Variants in CSNK1G1 observed in about 807,000 individuals in gnomAD.
CSNK1G1 encodes the protein casein kinase I isoform gamma-1.
A neutral mutation model predicts 59.6 loss-of-function variants in CSNK1G1; 22 were observed. The ratio of observed to expected loss-of-function variants is 0.37; its 90% CI spans 0.26 to 0.53. CSNK1G1 has a LOEUF of 0.53. Among genes scored for constraint, CSNK1G1 ranks in the 20% least tolerant of loss-of-function variants. CSNK1G1 has a pLI of 0.89. For synonymous variants in CSNK1G1, 179 were observed against 177.1 expected (o/e 1.01, Z -0.08); for missense variants, 384 against 519.5 (o/e 0.74, Z 2.54).
intron 1 of CSNK1G1, among the ~76,000 whole-genome samples, chr15:64,326,442 G>C (rs1299597408): frequency 6.6e-6 from 1 of 152,064 alleles, no homozygotes; most frequent in Non-Finnish European, 1.5e-5. Context: ...TCAGGAGTTC[G>C]AGATCAGCCT....
At position 64,273,309 on chromosome 15, in the gene CSNK1G1, A is replaced by G. The variant is rs573486602; in HGVS notation, c.182-14068T>C. Among the ~76,000 whole-genome samples the G allele has an allele frequency of 1.6e-3, 245 of 152,340 alleles. 4 individuals are homozygous for G. Among genetic ancestry groups the G allele is most frequent in the Non-Finnish European group, 6.8e-4 (46 of 68,028 alleles). On this transcript the variant is annotated intron_variant, in intron 2 of 11. Transcript: ENST00000303052. ...TGTGTCAGTTATAAACAAAATAAAA[A>G]ATATTAATCTGGCCCCAATGTATAA... is the stretch of plus-strand genomic sequence containing the variant.
intron 3 of CSNK1G1, among the ~76,000 whole-genome samples, chr15:64,253,330 G>A (rs759699222): frequency 6.6e-6 from 1 of 152,160 alleles, no homozygotes; most frequent in Non-Finnish European, 1.5e-5. Flanking sequence ...GGGCGACAGA[G>A]TGAGACCTTG....
chr15:64,251,038 A>G (rs1360462423), intron 4 of CSNK1G1, among the ~76,000 whole-genome samples: 1 of 152,232 alleles, frequency 6.6e-6, no homozygotes. Flanking sequence ...GTCATAGGTT[A>G]TTACAATCAT....
At chr15:64,199,250 C>CAAAAAAAAAAA (rs56819260) in intron 10 of CSNK1G1, among the ~76,000 whole-genome samples, 123 of 51,740 alleles carry the variant, frequency 2.4e-3, no homozygotes, top group Non-Finnish European at 3.1e-3. Flanking sequence ...AATCTTTTCT[C>CAAAAAAAAAAA]AAAAAAAAAA....
chr15:64,289,031 CGGCCGTGGT>C (rs1232616138), intron 2 of CSNK1G1, among the ~76,000 whole-genome samples: 6 of 151,784 alleles, frequency 4.0e-5, no homozygotes, highest in Non-Finnish European at 8.8e-5. Context: ...AAAAATTAGC[CGGCCGTGGT>C]GGTGCACGCC....
At chr15:64,315,272 G>GA (rs1353718672) in intron 1 of CSNK1G1, among the ~76,000 whole-genome samples, 1 of 152,170 alleles carries the variant, frequency 6.6e-6, no homozygotes, top group Non-Finnish European at 1.5e-5. Context: ...TTCCAGAAAG[G>GA]AAAAAGCAGC....
At chr15:64,313,671 G>A (rs1421783649) in intron 1 of CSNK1G1, among the ~76,000 whole-genome samples, 3 of 151,628 alleles carry the variant, frequency 2.0e-5, no homozygotes, top group Non-Finnish European at 4.4e-5. Context: ...GATGGGTGCA[G>A]GAAACTACCA....
intron 1 of CSNK1G1, among the ~76,000 whole-genome samples, chr15:64,349,059 C>T (rs957657148): frequency 2.6e-5 from 4 of 151,326 alleles, no homozygotes; most frequent in African/African-American, 4.9e-5. Flanking sequence ...ATTGCCTGAA[C>T]CCGGAATGTG....
intron 1 of CSNK1G1, among the ~76,000 whole-genome samples, chr15:64,342,036 T>C (rs1001242515): frequency 6.6e-6 from 1 of 152,240 alleles, no homozygotes; most frequent in African/African-American, 2.4e-5. Flanking sequence ...GCTAAATGAC[T>C]TCCCTTGTTA....
chr15:64,258,397 TAAAG>T (rs1892510833), intron 3 of CSNK1G1, among the ~76,000 whole-genome samples: 1 of 146,692 alleles, frequency 6.8e-6, no homozygotes, highest in Non-Finnish European at 1.5e-5. Flanking sequence ...AAAAAAAAAA[TAAAG>T]AAAGAAAGAA....
At chr15:64,311,235 AG>A (rs1474066651) in intron 1 of CSNK1G1, among the ~76,000 whole-genome samples, 1 of 151,282 alleles carries the variant, frequency 6.6e-6, no homozygotes, top group Non-Finnish European at 1.5e-5. Flanking sequence ...TAGTACAGAC[AG>A]GGTTTCACTG....
At chr15:64,319,041 A>T (rs890591501) in intron 1 of CSNK1G1, among the ~76,000 whole-genome samples, 26 of 150,394 alleles carry the variant, frequency 1.7e-4, no homozygotes, top group Non-Finnish European at 3.7e-4. Flanking sequence ...TTTTAGAGAC[A>T]ATGTTTTGCC....
intron 1 of CSNK1G1, among the ~76,000 whole-genome samples, chr15:64,327,153 G>C (rs1199717776): frequency 3.3e-5 from 5 of 152,338 alleles, no homozygotes; most frequent in South Asian, 2.1e-4. Context: ...CGGGAAGCTC[G>C]AACTGGGTGG....
In CSNK1G1 at chr15:64,213,962, T is replaced by C. The variant is rs763774260; in HGVS notation, c.607A>G (p.Ile203Val). 1 of 1,614,206 alleles carries C rather than the reference T, an allele frequency of 6.2e-7. No homozygotes were observed. The highest frequency in any genetic ancestry group is 8.5e-7 in the Non-Finnish European group (1 of 1,180,024). ...EYIDPETKKHIPYREHKSLTG... is the reference protein window; with the variant it reads ...EYIDPETKKHVPYREHKSLTG... ...AAACTTTTGTGTTCCCTATAAGGTA[T>C]GTGTTTTTTGGTTTCGGGGTCAATG... Residue 203 changes from isoleucine to valine, a missense_variant, in exon 6 of 12, where the codon ATA (isoleucine) becomes GTA (valine). Physicochemically the swap from Ile to Val is conservative, Grantham distance 29. Transcript: ENST00000303052.
chr15:64,171,606 G>T lies in CSNK1G1; in HGVS notation c.*325C>A, dbSNP rs528968391. ...CCAGGAGTAAACTAAGGGGAAGAAG[G>T]AGAATAGCAGTCCTTGAGTTTTTGT... On this transcript the variant is annotated 3_prime_UTR_variant, in exon 12 of 12. Transcript: ENST00000303052. This position sits in a 1 kb window ranked among gnomAD's most constrained non-coding sequence, Gnocchi z 4.8. 1.1e-5 allele frequency: 4 copies of T among 356,454 alleles called. No homozygotes were observed. Among genetic ancestry groups the T allele is most frequent in the Non-Finnish European group, 2.1e-5 (4 of 192,714 alleles). The allele number at this position is 356,454 out of a possible 1,614,324, so 22.1% of individuals were successfully genotyped here. A position where few individuals can be genotyped will look rare whatever the true frequency, so the allele number is the denominator to read the frequency against.
intron 4 of CSNK1G1, among the ~76,000 whole-genome samples, chr15:64,231,255 G>A (rs1161261401): frequency 6.7e-6 from 1 of 149,720 alleles, no homozygotes; most frequent in Non-Finnish European, 1.5e-5. Context: ...GAGCCCAGGA[G>A]GTTGAGGCTG....
At chr15:64,318,886 C>A (rs1416688754) in intron 1 of CSNK1G1, among the ~76,000 whole-genome samples, 1 of 151,548 alleles carries the variant, frequency 6.6e-6, no homozygotes, top group South Asian at 2.1e-4. Flanking sequence ...GCTGGGATTA[C>A]AGGCATGAGC....
chr15:64,228,819 C>A (rs912933479), intron 4 of CSNK1G1, among the ~76,000 whole-genome samples: 1 of 151,902 alleles, frequency 6.6e-6, no homozygotes, highest in Non-Finnish European at 1.5e-5. Flanking sequence ...AGTTCAACAC[C>A]AGCCTGGGCA....
At chr15:64,238,518 A>AATAAAT (rs2082648926) in intron 4 of CSNK1G1, among the ~76,000 whole-genome samples, 1 of 49,246 alleles carries the variant, frequency 2.0e-5, no homozygotes, top group Non-Finnish European at 3.2e-5. Flanking sequence ...AAAAAAAAAA[A>AATAAAT]ATATATATAT....
Sources: allele counts gnomAD v4.1 joint callset (sites outside exome capture counted in the v4.1 genomes callset), GRCh38; gene constraint gnomAD v4.1.1; non-coding constraint Gnocchi (gnomAD v3.1); transcripts MANE v1.5; gene names NCBI Gene and HGNC (gene_info 2026-07-23, HGNC 2026-07-21).